Variants in FBXL13 observed in about 807,000 individuals in gnomAD.
FBXL13 encodes the protein F-box and leucine-rich repeat protein 13.
In FBXL13, 67 loss-of-function variants were observed where a neutral mutation model predicts 83.6. That is an observed-to-expected ratio of 0.80 (90% CI 0.66 to 0.98). The LOEUF (loss-of-function observed/expected upper bound fraction) is 0.98. FBXL13 is among the 50% of genes least tolerant of loss of function. The pLI, the probability that FBXL13 is intolerant of heterozygous loss-of-function variation, is 0.00. For synonymous variants in FBXL13, 272 were observed against 299.5 expected (o/e 0.91, Z 0.95); for missense variants, 822 against 866.5 (o/e 0.95, Z 0.64).
chr7:102,981,561 T>C (rs1035177941), intron 6 of FBXL13, among the ~76,000 whole-genome samples: 11 of 152,212 alleles, frequency 7.2e-5, no homozygotes, highest in Non-Finnish European at 1.5e-4. Context: ...CTGAGTACTA[T>C]AGACTGAGTA....
At chr7:102,835,540 A>C (rs1174967315) in intron 17 of FBXL13, among the ~76,000 whole-genome samples, 1 of 152,214 alleles carries the variant, frequency 6.6e-6, no homozygotes, top group African/African-American at 2.4e-5. Context: ...TGTCTTCAAG[A>C]AAATTAAGAA....
At chr7:102,841,262 T>A (rs532388386) in intron 17 of FBXL13, among the ~76,000 whole-genome samples, 50 of 151,962 alleles carry the variant, frequency 3.3e-4, no homozygotes, top group Middle Eastern at 3.4e-3. Context: ...TTTTTTTTTT[T>A]AACTTTTGGC....
At chr7:102,957,356 C>T (rs1475808754) in intron 8 of FBXL13, among the ~76,000 whole-genome samples, 1 of 152,142 alleles carries the variant, frequency 6.6e-6, no homozygotes, top group Non-Finnish European at 1.5e-5. Flanking sequence ...AACTGGATCC[C>T]TTCCTTACAC....
intron 18 of FBXL13, among the ~76,000 whole-genome samples, chr7:102,824,720 A>G (rs1799321263): frequency 1.3e-5 from 2 of 151,606 alleles, no homozygotes; most frequent in Admixed American, 6.6e-5. Context: ...TGATGACCTC[A>G]AGTGATCCGC....
At chr7:102,820,870 T>C (rs1028332359) in intron 19 of FBXL13, among the ~76,000 whole-genome samples, 1 of 152,218 alleles carries the variant, frequency 6.6e-6, no homozygotes, top group Non-Finnish European at 1.5e-5. Flanking sequence ...TAATGTTGCA[T>C]TGAAGATTAA....
intron 6 of FBXL13, among the ~76,000 whole-genome samples, chr7:102,971,775 C>T (rs1361433844): frequency 6.6e-6 from 1 of 152,004 alleles, no homozygotes; most frequent in African/African-American, 2.4e-5. Context: ...CCCGTAATCC[C>T]AGCACTTTGG....
chr7:102,828,508 A>G (rs544150816), intron 18 of FBXL13, among the ~76,000 whole-genome samples: 1 of 152,338 alleles, frequency 6.6e-6, no homozygotes, highest in Admixed American at 6.5e-5. Context: ...GAATCCCAGA[A>G]TTAGCAAATC....
intron 2 of FBXL13, among the ~76,000 whole-genome samples, chr7:103,034,592 C>G (rs954007914): frequency 1.3e-5 from 2 of 152,276 alleles, no homozygotes; most frequent in African/African-American, 2.4e-5. Context: ...TCCCTCCACA[C>G]CTCCTCGCAA....
chr7:102,935,747 T>G (rs1820187586), intron 8 of FBXL13, among the ~76,000 whole-genome samples: 1 of 152,328 alleles, frequency 6.6e-6, no homozygotes, highest in Admixed American at 6.5e-5. Context: ...GTCTATATGT[T>G]TCATTTCTGG....
chr7:102,999,736 C>A (rs1182680852), intron 6 of FBXL13, among the ~76,000 whole-genome samples: 1 of 152,002 alleles, frequency 6.6e-6, no homozygotes, highest in Non-Finnish European at 1.5e-5. Flanking sequence ...TCCTTGGTAT[C>A]TCTGTGGTAT....
chr7:102,848,935 G>C (rs2129450644), intron 17 of FBXL13, among the ~76,000 whole-genome samples: 1 of 152,260 alleles, frequency 6.6e-6, no homozygotes, highest in South Asian at 2.1e-4. Flanking sequence ...AGGATGCGGA[G>C]GTTGCAGTGA....
rs1209398568 is a variant in FBXL13, at chr7:103,024,857, A to ATT, written c.495+204_495+205dup. ...TGTATATATATATATATATATATAT[A>ATT]TTTTTTTTTTTTTTTTTTTTGAGAT... On this transcript the variant is annotated intron_variant, in intron 6 of 19. Transcript: ENST00000313221. Among the ~76,000 whole-genome samples the ATT allele has an allele frequency of 5.7e-3, 361 of 62,794 alleles. 6 individuals are homozygous for ATT. The highest frequency in any genetic ancestry group is 8.9e-3 in the African/African-American group (99 of 11,144). 41.2% of individuals were successfully genotyped at this position (62,794 alleles called of 152,430 possible).
At chr7:102,975,462 C>A (rs559419464) in intron 6 of FBXL13, among the ~76,000 whole-genome samples, 2 of 152,264 alleles carry the variant, frequency 1.3e-5, no homozygotes, top group Non-Finnish European at 2.9e-5. Flanking sequence ...CAAAGGCAGT[C>A]CCCAACCAGG....
intron 2 of FBXL13, among the ~76,000 whole-genome samples, chr7:103,032,767 C>T (rs1794636649): frequency 6.6e-6 from 1 of 152,200 alleles, no homozygotes; most frequent in African/African-American, 2.4e-5. Context: ...TGGTGGCTCA[C>T]ACTTGCAATC....
intron 11 of FBXL13, among the ~76,000 whole-genome samples, chr7:102,885,127 A>G (rs1040714258): frequency 4.6e-5 from 7 of 152,150 alleles, no homozygotes; most frequent in African/African-American, 1.2e-4. Context: ...TCAGGTTTCA[A>G]TTCTTTTGGG....
rs147583532 is a variant in FBXL13, at chr7:103,018,119, G to A, written c.495+6944C>T. On this transcript the variant is annotated intron_variant, in intron 6 of 19. Coordinates refer to ENST00000313221, the Ensembl canonical transcript of FBXL13. ...AAGGGAATCCCATCAGAATAACAGC[G>A]GATCTCTTGGCAGAAATTCTACAAG... Among the ~76,000 whole-genome samples the A allele has an allele frequency of 7.2e-4, 109 of 152,288 alleles. 1 individual carries two copies. In the East Asian group the frequency reaches 0.016, roughly 22 times the overall value.
chr7:103,014,981 C>T (rs1792111282), intron 6 of FBXL13, among the ~76,000 whole-genome samples: 1 of 144,778 alleles, frequency 6.9e-6, no homozygotes, highest in African/African-American at 2.5e-5. Context: ...AGCAGCACAT[C>T]AAAAAGCTTT....
At chr7:102,917,867 G>A in intron 10 of FBXL13, among the ~76,000 whole-genome samples, 1 of 152,116 alleles carries the variant, frequency 6.6e-6, no homozygotes, top group East Asian at 1.9e-4. Context: ...AATAGAAAGT[G>A]TTTAGTTCCG....
At chr7:102,863,105 A>C (rs1807096171) in intron 16 of FBXL13, among the ~76,000 whole-genome samples, 1 of 152,212 alleles carries the variant, frequency 6.6e-6, no homozygotes, top group South Asian at 2.1e-4. Flanking sequence ...GGAAGCCATG[A>C]GATTTCATTG....
Sources: allele counts gnomAD v4.1 joint callset (sites outside exome capture counted in the v4.1 genomes callset), GRCh38; gene constraint gnomAD v4.1.1; transcripts MANE v1.5; gene names NCBI Gene and HGNC (gene_info 2026-07-23, HGNC 2026-07-21).